OR3A2: variants seen among roughly 807,000 people sequenced by gnomAD.
The protein encoded by OR3A2 is olfactory receptor 3A2.
For missense variants in OR3A2, 318 were observed against 392.8 expected (o/e 0.81, Z 1.61); for synonymous variants, 126 against 159.3 (o/e 0.79, Z 1.57).
chr17:3,360,286 T>A (rs1188771619), intron 2 of OR3A2, among the ~76,000 whole-genome samples: 3 of 151,554 alleles, frequency 2.0e-5, no homozygotes, highest in Non-Finnish European at 4.4e-5. Context: ...CTTGTAAATT[T>A]GTTTGAGTTC....
At chr17:3,329,392 C>T (rs1168066538) in intron 3 of OR3A2, among the ~76,000 whole-genome samples, 2 of 149,052 alleles carry the variant, frequency 1.3e-5, no homozygotes, top group East Asian at 3.9e-4. Flanking sequence ...TTTCAGCTCC[C>T]GTTATTGGTC....
At chr17:3,378,295 G>A (rs915008869) in intron 2 of OR3A2, among the ~76,000 whole-genome samples, 1 of 152,216 alleles carries the variant, frequency 6.6e-6, no homozygotes, top group Non-Finnish European at 1.5e-5. Context: ...AGTCTGGAGG[G>A]GGCAGAGGCA....
At chr17:3,368,674 T>A (rs1320438774) in intron 2 of OR3A2, among the ~76,000 whole-genome samples, 2 of 152,174 alleles carry the variant, frequency 1.3e-5, no homozygotes, top group Non-Finnish European at 2.9e-5. Context: ...AACGTGATAC[T>A]TCCAGGTTTG....
At chr17:3,354,413 A>T (rs2049446452) in intron 2 of OR3A2, among the ~76,000 whole-genome samples, 1 of 151,208 alleles carries the variant, frequency 6.6e-6, no homozygotes, top group East Asian at 1.9e-4. Flanking sequence ...AAGAAAAGTA[A>T]AGGTTTTTAT....
chr17:3,337,191 G>C (rs939823863), intron 2 of OR3A2, among the ~76,000 whole-genome samples: 1 of 152,096 alleles, frequency 6.6e-6, no homozygotes, highest in Non-Finnish European at 1.5e-5. Flanking sequence ...ACCATTTTAA[G>C]GGTACAGTTC....
At chr17:3,343,603 T>C (rs1232843583) in intron 2 of OR3A2, among the ~76,000 whole-genome samples, 2 of 152,070 alleles carry the variant, frequency 1.3e-5, no homozygotes, top group African/African-American at 2.4e-5. Context: ...AAAAAGCATT[T>C]CATGAAGAAA....
At chr17:3,384,695 T>C (rs1597368065) in intron 1 of OR3A2, among the ~76,000 whole-genome samples, 1 of 152,138 alleles carries the variant, frequency 6.6e-6, no homozygotes, top group African/African-American at 2.4e-5. Flanking sequence ...CTCTACAGTA[T>C]CTAGTACAGG....
chr17:3,317,767 C>T (rs900141588), intron 3 of OR3A2, among the ~76,000 whole-genome samples: 2 of 152,076 alleles, frequency 1.3e-5, no homozygotes, highest in East Asian at 3.9e-4. Context: ...TACCCTATTT[C>T]GAGAGTTGTG....
intron 2 of OR3A2, among the ~76,000 whole-genome samples, chr17:3,340,808 C>T (rs2049310531): frequency 6.6e-6 from 1 of 152,162 alleles, no homozygotes; most frequent in Non-Finnish European, 1.5e-5. Flanking sequence ...GAGTTCAATT[C>T]CTGGATATCC....
intron 3 of OR3A2, among the ~76,000 whole-genome samples, chr17:3,331,467 A>C (rs12603187): frequency 2.7e-5 from 4 of 149,952 alleles, no homozygotes; most frequent in Non-Finnish European, 4.5e-5. Flanking sequence ...CATTCATTTC[A>C]TCTTCCATCG....
At chr17:3,303,566 C>A (rs180969365) in intron 3 of OR3A2, among the ~76,000 whole-genome samples, 3 of 151,648 alleles carry the variant, frequency 2.0e-5, no homozygotes, top group Non-Finnish European at 4.4e-5. Context: ...ATGGTGAAAC[C>A]CCGTCTCTAC....
At chr17:3,376,106 C>A (rs2049681044) in intron 2 of OR3A2, among the ~76,000 whole-genome samples, 1 of 152,238 alleles carries the variant, frequency 6.6e-6, no homozygotes, top group Admixed American at 6.5e-5. Flanking sequence ...GTCACATGGA[C>A]AAACTCAGGA....
rs574072907 is a variant in OR3A2, at chr17:3,326,463, C to A, written c.-85+9570G>T. On this transcript the variant is annotated intron_variant, in intron 3 of 4. Transcript: ENST00000573491. ...ACCGGCTGGAGCTGCAGCAGAGGAACATAAATTGTGGAGATTTCATTTTAA... is the reference window on the plus strand; with the variant it reads ...ACCGGCTGGAGCTGCAGCAGAGGAAAATAAATTGTGGAGATTTCATTTTAA... Among the ~76,000 whole-genome samples the A allele has an allele frequency of 4.3e-4, 66 of 152,088 alleles. No individual in the cohort carries two copies. In the South Asian group the frequency reaches 0.013, roughly 30 times the overall value.
At chr17:3,309,592 G>C (rs2049024399) in intron 3 of OR3A2, among the ~76,000 whole-genome samples, 1 of 152,040 alleles carries the variant, frequency 6.6e-6, no homozygotes, top group South Asian at 2.1e-4. Context: ...GTACTTTTGA[G>C]CCCAAATTTC....
At chr17:3,287,567 C>T (rs2048825102), upstream of OR3A2, among the ~76,000 whole-genome samples, 1 of 152,116 alleles carries the variant, frequency 6.6e-6, no homozygotes, top group Non-Finnish European at 1.5e-5. Flanking sequence ...CAGAGTTGGA[C>T]TTGCTGGATT....
intron 2 of OR3A2, among the ~76,000 whole-genome samples, chr17:3,374,340 G>C (rs994580057): frequency 6.6e-6 from 1 of 152,138 alleles, no homozygotes; most frequent in African/African-American, 2.4e-5. Flanking sequence ...TGGTCATCTA[G>C]ATGTCTAGTA....
intron 3 of OR3A2, among the ~76,000 whole-genome samples, chr17:3,327,409 T>A (rs1383995224): frequency 9.6e-6 from 1 of 104,016 alleles, no homozygotes; most frequent in East Asian, 3.6e-4. Flanking sequence ...GGTTGTTTGT[T>A]TTTTTCTTGT....
At chr17:3,343,149 C>T (rs188167618) in intron 2 of OR3A2, among the ~76,000 whole-genome samples, 9 of 152,160 alleles carry the variant, frequency 5.9e-5, no homozygotes, top group Non-Finnish European at 1.2e-4. Flanking sequence ...CCGATTTTCC[C>T]GGTACAGTCT....
chr17:3,293,018 T>A, intron 3 of OR3A2, among the ~76,000 whole-genome samples: 1 of 151,830 alleles, frequency 6.6e-6, no homozygotes, highest in Non-Finnish European at 1.5e-5. Context: ...TCAAAGAAAC[T>A]AGTAAGTGTC....
Sources: gnomAD v4.1 joint callset for allele counts (sites outside exome capture counted in the v4.1 genomes callset) on GRCh38, gnomAD v4.1.1 for gene constraint, MANE v1.5 for transcripts, NCBI Gene and HGNC (gene_info 2026-07-23, HGNC 2026-07-21) for gene names.